The following FNBP1L variants were observed in gnomAD, a reference collection of about 807,000 sequenced individuals.
FNBP1L encodes formin binding protein 1 like, also known as formin-binding protein 1-like.
FNBP1L carries 36 observed loss-of-function variants against 91.2 expected under a neutral mutation model. The observed-to-expected ratio is 0.39, with a 90% CI of 0.30 to 0.52. FNBP1L has a LOEUF of 0.52. Ranked by LOEUF, FNBP1L falls within the 20% of genes least tolerant of loss-of-function variation. The pLI is 0.66. For missense variants in FNBP1L, 571 were observed against 732.1 expected, an observed-to-expected ratio of 0.78 and a Z score of 2.54; for synonymous variants, 242 against 237.0, an observed-to-expected ratio of 1.02 and a Z score of -0.19.
chr1:93,549,374 T>G lies in FNBP1L; in HGVS notation c.1599T>G (p.Asp533Glu), dbSNP rs767298037. The G allele has an allele frequency of 1.5e-5, 24 of 1,612,588 alleles. No individual in the cohort carries two copies. The Admixed American group carries it at 3.0e-4, about 20-fold the overall frequency. Residue 533 changes from aspartate (D) to glutamate (E), a missense_variant, in exon 15 of 17, where the codon GAT becomes GAG. Around this residue, in one of 5 missense-constraint regions of FNBP1L, gnomAD observed 189 missense variants for 219.7 expected, o/e 0.86. Transcript: ENST00000271234. ...HHNEFDDEFE[D>E]DDPLPAIGHC... ...ATGAGTTTGATGATGAATTTGAGGA[T>G]GATGATCCCTTGCCTGCTATTGGAC... is the stretch of plus-strand genomic sequence containing the variant.
Position 93,524,247 on chromosome 1 carries a change from G to A in FNBP1L, c.343-14G>A. The stretch of plus-strand genomic sequence containing the variant: ...TTTATTTTTATTTTTTTTGGCCGTG[G>A]TTATAATCTTCAGCATCTGCAAGAA... On this transcript the variant is annotated splice_polypyrimidine_tract_variant and intron_variant, in intron 4 of 16. Transcript: ENST00000271234. 2 of 1,464,780 alleles carry A rather than the reference G, an allele frequency of 1.4e-6. No homozygotes were observed. The highest frequency in any genetic ancestry group is 1.8e-6 in the Non-Finnish European group (2 of 1,108,774). 90.7% of individuals were successfully genotyped at this position (1,464,780 alleles called of 1,614,324 possible).
intron 8 of FNBP1L, 143 bp downstream of exon 8, chr1:93,533,211 T>TA (rs1232355525): frequency 1.8e-6 from 1 of 551,892 alleles, no homozygotes; most frequent in African/African-American, 1.9e-5. Context: ...TTGCAATAGA[T>TA]TCCTTTGAGT....
At chr1:93,521,677 A>G (rs1356079425) in intron 2 of FNBP1L, among the ~76,000 whole-genome samples, 4 of 152,222 alleles carry the variant, frequency 2.6e-5, no homozygotes, top group African/African-American at 9.6e-5. Context: ...TTTAATTTGT[A>G]TTACTTTTTA....
chr1:93,536,403 A>G lies in FNBP1L; in HGVS notation c.1062A>G (p.Thr354=). Residue 354 remains threonine (T), a synonymous_variant, in exon 10 of 17, where the codon ACA becomes ACG. Coordinates refer to ENST00000271234, the MANE Select transcript of FNBP1L (RefSeq NM_001164473.3). ...SSTPNGSQFL[T]FSIEPVHYCM... is the part of the protein sequence containing the mutation. ...CTCCTAATGGGTCCCAGTTTCTCAC[A>G]TTCTCCATTGAGCCCGTGCATTATT... The G allele has an allele frequency of 6.4e-7, 1 of 1,550,996 alleles. No individual in the cohort carries two copies. Among genetic ancestry groups the G allele is most frequent in the Non-Finnish European group, 8.7e-7 (1 of 1,146,442 alleles).
chr1:93,543,942 T>G, intron 11 of FNBP1L, 165 bp from the exon 12 acceptor site: 2 of 435,060 alleles, frequency 4.6e-6, no homozygotes, highest in Non-Finnish European at 4.2e-6. Flanking sequence ...CATATACGCA[T>G]AAACACACAC....
intron 2 of FNBP1L, among the ~76,000 whole-genome samples, chr1:93,517,096 G>T (rs1671149840): frequency 6.7e-6 from 1 of 148,836 alleles, no homozygotes; most frequent in South Asian, 2.1e-4. Context: ...TTGGAGTGCA[G>T]TGGCACAATC....
At chr1:93,467,956 C>T (rs181330276) in intron 1 of FNBP1L, among the ~76,000 whole-genome samples, 3 of 152,234 alleles carry the variant, frequency 2.0e-5, no homozygotes, top group Non-Finnish European at 4.4e-5. Context: ...GTGTATTTTA[C>T]CACAATAAAA....
At chr1:93,522,188 T>C (rs1049564874) in intron 3 of FNBP1L, 53 bp downstream of exon 3, 27 of 813,090 alleles carry the variant, frequency 3.3e-5, no homozygotes, top group Non-Finnish European at 4.3e-5. Flanking sequence ...AAAATACTTA[T>C]ATTTTTATTA....
At chr1:93,455,738 CCTT>C (rs1198227378) in intron 1 of FNBP1L, among the ~76,000 whole-genome samples, 6 of 152,116 alleles carry the variant, frequency 3.9e-5, no homozygotes, top group African/African-American at 1.4e-4. Flanking sequence ...TGAAATATCA[CCTT>C]CTAATTGATG....
intron 1 of FNBP1L, among the ~76,000 whole-genome samples, chr1:93,498,001 T>C (rs1670325525): frequency 1.3e-5 from 2 of 152,194 alleles, no homozygotes; most frequent in Admixed American, 1.3e-4. Context: ...ATAATGTTCA[T>C]TTCATTTTCA....
intron 2 of FNBP1L, among the ~76,000 whole-genome samples, chr1:93,503,109 C>A (rs560742613): frequency 3.9e-5 from 6 of 151,918 alleles, no homozygotes; most frequent in African/African-American, 1.5e-4. Flanking sequence ...TCCATTCTCA[C>A]GCTGCTAATA....
At chr1:93,469,096 A>G (rs1014563334) in intron 1 of FNBP1L, among the ~76,000 whole-genome samples, 1 of 150,034 alleles carries the variant, frequency 6.7e-6, no homozygotes, top group Admixed American at 6.6e-5. Flanking sequence ...TTTTTTTTTT[A>G]TATTTATACT....
chr1:93,544,842 G>A lies in FNBP1L; in HGVS notation c.1274+626G>A, dbSNP rs190855226. ...ATTAGTGTATCAGGTGTGATGTGGC[G>A]CTTAATCATAATGAAATATTTGCAC... On this transcript the variant is annotated intron_variant, in intron 12 of 16. Coordinates refer to ENST00000271234, the MANE Select transcript of FNBP1L (RefSeq NM_001164473.3). Among the ~76,000 whole-genome samples, 7 of 152,168 alleles carry A rather than the reference G, an allele frequency of 4.6e-5. No homozygotes were observed. In the East Asian group the frequency reaches 1.2e-3, roughly 25 times the overall value.
chr1:93,469,244 C>T (rs1314658993), intron 1 of FNBP1L, among the ~76,000 whole-genome samples: 1 of 149,650 alleles, frequency 6.7e-6, no homozygotes, highest in East Asian at 2.0e-4. Flanking sequence ...TAACCCCCCA[C>T]CCCCCAACAG....
intron 2 of FNBP1L, among the ~76,000 whole-genome samples, chr1:93,518,220 G>A (rs1055277803): frequency 3.9e-5 from 6 of 152,040 alleles, no homozygotes; most frequent in African/African-American, 7.2e-5. Flanking sequence ...TCAGCTTCAC[G>A]TAATAGAGTC....
At chr1:93,544,063 T>C (rs1672136103) in intron 11 of FNBP1L, 44 bp from the exon 12 acceptor site, 1 of 1,402,404 alleles carries the variant, frequency 7.1e-7, no homozygotes. Context: ...AAAAATAAAA[T>C]TTCCCGAAAA....
chr1:93,457,245 A>T (rs1668702489), intron 1 of FNBP1L, among the ~76,000 whole-genome samples: 1 of 152,208 alleles, frequency 6.6e-6, no homozygotes, highest in African/African-American at 2.4e-5. Context: ...AAAATTTCAT[A>T]TAAATGATAC....
At chr1:93,474,284 A>T (rs1222934244) in intron 1 of FNBP1L, among the ~76,000 whole-genome samples, 1 of 151,676 alleles carries the variant, frequency 6.6e-6, no homozygotes, top group Non-Finnish European at 1.5e-5. Context: ...CTTCCATCCT[A>T]CTTCAGGATG....
At chr1:93,474,943 T>A (rs546733752) in intron 1 of FNBP1L, among the ~76,000 whole-genome samples, 2 of 152,306 alleles carry the variant, frequency 1.3e-5, no homozygotes, top group East Asian at 3.9e-4. Flanking sequence ...TCAAGGAAAC[T>A]GGAGAAATAA....
Sources: gnomAD v4.1 joint callset for allele counts (sites outside exome capture counted in the v4.1 genomes callset) on GRCh38, gnomAD v4.1.1 for gene constraint, gnomAD v4.1.1 regional missense constraint, MANE v1.5 for transcripts, NCBI Gene and HGNC (gene_info 2026-07-23, HGNC 2026-07-21) for gene names.